GALNT13: variants seen among roughly 807,000 people sequenced by gnomAD.
GALNT13 encodes UDP-GalNAc:polypeptide N-acetylgalactosaminyltransferase 13.
GALNT13 carries 28 observed loss-of-function variants against 64.2 expected under a neutral mutation model. The observed-to-expected ratio is 0.44, with a 90% CI of 0.32 to 0.60. The LOEUF (loss-of-function observed/expected upper bound fraction) is 0.60. Ranked by LOEUF, GALNT13 falls within the 20% of genes least tolerant of loss-of-function variation. The pLI is 0.05. For synonymous variants in GALNT13, 214 were observed against 224.6 expected (o/e 0.95, Z 0.42); for missense variants, 577 against 669.8 (o/e 0.86, Z 1.53).
chr2:153,192,818 G>C, the GALNT13 span, among the ~76,000 whole-genome samples: 1 of 151,624 alleles, frequency 6.6e-6, no homozygotes, highest in African/African-American at 2.4e-5. Flanking sequence ...AGCTACTTCT[G>C]CTTGCTATTG....
the GALNT13 span, among the ~76,000 whole-genome samples, chr2:153,318,303 CAT>C: frequency 3.2e-4 from 49 of 152,108 alleles, no homozygotes; most frequent in Non-Finnish European, 6.2e-4. Flanking sequence ...TGGTGGTGGA[CAT>C]GTGGAACAGA....
intron 9 of GALNT13, among the ~76,000 whole-genome samples, chr2:154,336,366 C>G (rs1218741122): frequency 6.6e-6 from 1 of 152,014 alleles, no homozygotes; most frequent in Non-Finnish European, 1.5e-5. Flanking sequence ...GAATTAGAAA[C>G]CATGCCCATC....
At chr2:154,393,264 G>T (rs188427887) in intron 9 of GALNT13, among the ~76,000 whole-genome samples, 46 of 152,156 alleles carry the variant, frequency 3.0e-4, no homozygotes, top group Non-Finnish European at 5.4e-4. Flanking sequence ...TACAGCACAA[G>T]AAAAGTCTCT....
At chr2:153,772,646 C>T in the GALNT13 span, among the ~76,000 whole-genome samples, 20 of 152,252 alleles carry the variant, frequency 1.3e-4, no homozygotes, top group East Asian at 5.8e-4. Flanking sequence ...GCCTCTAGTA[C>T]GCCATCCTGG....
At chr2:153,914,017 T>C (rs1207849647) in intron 2 of GALNT13, among the ~76,000 whole-genome samples, 1 of 152,230 alleles carries the variant, frequency 6.6e-6, no homozygotes, top group African/African-American at 2.4e-5. Flanking sequence ...TGTAAACTCA[T>C]TAATTCTAGT....
chr2:153,738,697 GA>G, the GALNT13 span, among the ~76,000 whole-genome samples: 1 of 151,784 alleles, frequency 6.6e-6, no homozygotes, highest in Admixed American at 6.6e-5. Flanking sequence ...TCTTTGAGTT[GA>G]TTTTTTAGGA....
the GALNT13 span, among the ~76,000 whole-genome samples, chr2:153,579,581 G>C: frequency 1.3e-5 from 2 of 152,130 alleles, no homozygotes; most frequent in African/African-American, 2.4e-5. Context: ...TTTGAGAAAA[G>C]AGAGAAAATA....
intron 3 of GALNT13, among the ~76,000 whole-genome samples, chr2:154,047,904 C>A (rs760090256): frequency 6.6e-6 from 1 of 152,168 alleles, no homozygotes; most frequent in Non-Finnish European, 1.5e-5. Flanking sequence ...ACACTGCCTC[C>A]TCACCCAAGT....
chr2:154,388,652 G>A (rs1274990193), intron 9 of GALNT13, among the ~76,000 whole-genome samples: 1 of 151,988 alleles, frequency 6.6e-6, no homozygotes, highest in African/African-American at 2.4e-5. Flanking sequence ...GTATTTAGAT[G>A]CAATAGAATA....
the GALNT13 span, among the ~76,000 whole-genome samples, chr2:153,113,904 C>A: frequency 6.6e-6 from 1 of 152,076 alleles, no homozygotes; most frequent in Non-Finnish European, 1.5e-5. Flanking sequence ...ATCCTGTGTG[C>A]TTTTCATTAC....
intron 2 of GALNT13, among the ~76,000 whole-genome samples, chr2:153,940,677 A>G (rs1691279824): frequency 6.6e-6 from 1 of 152,116 alleles, no homozygotes; most frequent in South Asian, 2.1e-4. Context: ...AAACTGCAAA[A>G]TTATTTGGTC....
intron 3 of GALNT13, among the ~76,000 whole-genome samples, chr2:154,043,238 C>T (rs1018378438): frequency 5.9e-5 from 9 of 151,540 alleles, no homozygotes; most frequent in Admixed American, 5.3e-4. Context: ...CTGTGCTGGT[C>T]CATATTAGTA....
intron 3 of GALNT13, among the ~76,000 whole-genome samples, chr2:153,956,558 T>C (rs1012206363): frequency 6.6e-6 from 1 of 152,168 alleles, no homozygotes; most frequent in Non-Finnish European, 1.5e-5. Flanking sequence ...GAATTTACTA[T>C]ACGAGATCCC....
the GALNT13 span, among the ~76,000 whole-genome samples, chr2:153,595,258 G>A: frequency 6.7e-6 from 1 of 149,962 alleles, no homozygotes; most frequent in South Asian, 2.1e-4. Context: ...AATTTGATGG[G>A]GAAAAAAAAT....
intron 8 of GALNT13, among the ~76,000 whole-genome samples, chr2:154,273,557 C>T (rs1028800254): frequency 5.9e-5 from 9 of 152,112 alleles, no homozygotes; most frequent in South Asian, 2.1e-4. Flanking sequence ...TGGTCAACAA[C>T]GACACATATA....
the GALNT13 span, among the ~76,000 whole-genome samples, chr2:153,736,045 T>G: frequency 6.6e-6 from 1 of 152,170 alleles, no homozygotes; most frequent in South Asian, 2.1e-4. Context: ...ATCTACTAAT[T>G]CCAGCATCAG....
At chr2:154,028,689 T>A (rs987184498) in intron 3 of GALNT13, among the ~76,000 whole-genome samples, 2 of 152,134 alleles carry the variant, frequency 1.3e-5, no homozygotes, top group Non-Finnish European at 2.9e-5. Context: ...TATATTTTAA[T>A]CAAGGCTTTT....
chr2:153,643,488 T>C, the GALNT13 span, among the ~76,000 whole-genome samples: 1 of 151,694 alleles, frequency 6.6e-6, no homozygotes, highest in Non-Finnish European at 1.5e-5. Context: ...ATAAATGGAA[T>C]TTCCTTTAAA....
chr2:154,038,196 T>A (rs1282614591), intron 3 of GALNT13, among the ~76,000 whole-genome samples: 1 of 152,152 alleles, frequency 6.6e-6, no homozygotes, highest in Non-Finnish European at 1.5e-5. Flanking sequence ...ATGACCATAC[T>A]ACCCAAAGCA....
Sources: allele counts gnomAD v4.1 joint callset (sites outside exome capture counted in the v4.1 genomes callset), GRCh38; gene constraint gnomAD v4.1.1; transcripts MANE v1.5; gene names NCBI Gene and HGNC (gene_info 2026-07-23, HGNC 2026-07-21).